MAGI2: variants seen among roughly 807,000 people sequenced by gnomAD.
MAGI2 encodes membrane associated guanylate kinase, WW and PDZ domain containing 2.
MAGI2 carries 35 observed loss-of-function variants against 133.3 expected under a neutral mutation model. The ratio of observed to expected loss-of-function variants is 0.26; its 90% CI spans 0.20 to 0.35. MAGI2 has a LOEUF of 0.35. Among genes scored for constraint, MAGI2 ranks in the 10% least tolerant of loss-of-function variants. MAGI2 has a pLI of 1.00. For missense variants in MAGI2, 1,636 were observed against 1,863.4 expected (o/e 0.88, Z 2.25); for synonymous variants, 729 against 710.6 (o/e 1.03, Z -0.41).
intron 1 of MAGI2, among the ~76,000 whole-genome samples, chr7:79,444,977 A>G (rs1385407883): frequency 6.6e-6 from 1 of 152,184 alleles, no homozygotes; most frequent in Non-Finnish European, 1.5e-5. Flanking sequence ...ATATAGACCA[A>G]TGGAACAGAA....
At chr7:78,746,664 G>A (rs1275926681) in intron 2 of MAGI2, among the ~76,000 whole-genome samples, 2 of 152,130 alleles carry the variant, frequency 1.3e-5, no homozygotes, top group Admixed American at 1.3e-4. Context: ...ATTTGCATTT[G>A]GACTTTCTTC....
chr7:79,222,863 T>C (rs892130657), intron 1 of MAGI2, among the ~76,000 whole-genome samples: 1 of 152,038 alleles, frequency 6.6e-6, no homozygotes, highest in Non-Finnish European at 1.5e-5. Flanking sequence ...ATCTCATTTC[T>C]TTTCTTTTTG....
rs530262603 is a variant in MAGI2 at position 78,323,808 on chromosome 7, C to T, written c.1408+19970G>A. 3.0e-3 allele frequency among the ~76,000 whole-genome samples: 464 copies of T among 152,198 alleles called. 4 individuals are homozygous for T. Among genetic ancestry groups the T allele is most frequent in the Non-Finnish European group, 3.4e-3 (229 of 68,016 alleles). ...GCTTTGAAACACCTTTAACTTAGTA[C>T]TTCTTAACAACAAATGATACTCACT... is the stretch of plus-strand genomic sequence containing the variant. On this transcript the variant is annotated intron_variant, in intron 9 of 21. Coordinates refer to ENST00000354212, the MANE Select transcript of MAGI2 (RefSeq NM_012301.4).
At chr7:79,093,714 C>CTTTTT (rs369075503) in intron 1 of MAGI2, among the ~76,000 whole-genome samples, 4 of 113,274 alleles carry the variant, frequency 3.5e-5, no homozygotes, top group African/African-American at 1.0e-4. Flanking sequence ...CTTTTCTTTT[C>CTTTTT]TTTTTTTTTT....
intron 1 of MAGI2, among the ~76,000 whole-genome samples, chr7:79,325,947 G>T (rs1312898363): frequency 6.6e-6 from 1 of 152,032 alleles, no homozygotes; most frequent in African/African-American, 2.4e-5. Context: ...TGGGAATAGG[G>T]GGGTTCTGCA....
rs569426889 is a variant in MAGI2, at chr7:78,127,496, G to A, written c.3204-80C>T. The A allele has an allele frequency of 7.3e-4, 798 of 1,086,664 alleles. 6 individuals are homozygous for A. The highest frequency in any genetic ancestry group is 4.3e-3 in the Middle Eastern group (22 of 5,086). 67.3% of individuals were successfully genotyped at this position (1,086,664 alleles called of 1,614,324 possible). On this transcript the variant is annotated intron_variant, in intron 18 of 21. Transcript: ENST00000354212. ...GAGTGATCACACGGCCTCCAGAGGT[G>A]GGCCAGCCATGACAGCTCACACAAA... is the stretch of plus-strand genomic sequence containing the variant.
intron 1 of MAGI2, among the ~76,000 whole-genome samples, chr7:79,174,807 G>C (rs1413453386): frequency 6.6e-6 from 1 of 151,356 alleles, no homozygotes; most frequent in African/African-American, 2.4e-5. Context: ...TAATTAATTA[G>C]ACAACAAAAA....
chr7:79,402,986 G>T (rs1439151405), intron 1 of MAGI2, among the ~76,000 whole-genome samples: 1 of 152,096 alleles, frequency 6.6e-6, no homozygotes, highest in Admixed American at 6.5e-5. Context: ...ATAACATGGA[G>T]ATAAAAATGC....
At chr7:78,971,960 T>G (rs1275079475) in intron 2 of MAGI2, among the ~76,000 whole-genome samples, 1 of 151,958 alleles carries the variant, frequency 6.6e-6, no homozygotes. Flanking sequence ...ATATAAATAT[T>G]AAGTACTACT....
At chr7:79,011,912 CCTTCCTTCCTTCCTTT>C (rs1562785218) in intron 1 of MAGI2, among the ~76,000 whole-genome samples, 39 of 133,566 alleles carry the variant, frequency 2.9e-4, no homozygotes, top group African/African-American at 6.2e-4. Flanking sequence ...TTCCTTCCTT[CCTTCCTTCCTTCCTTT>C]CTTTCTTTCT....
At chr7:78,056,456 G>T (rs917689087) in intron 21 of MAGI2, among the ~76,000 whole-genome samples, 6 of 152,072 alleles carry the variant, frequency 3.9e-5, no homozygotes, top group African/African-American at 1.4e-4. Context: ...AAGAAAATGT[G>T]GTACATATGT....
chr7:78,240,720 G>A (rs1791047637), intron 10 of MAGI2, among the ~76,000 whole-genome samples: 1 of 152,128 alleles, frequency 6.6e-6, no homozygotes. Flanking sequence ...GATCTATTGT[G>A]CAGCATGGTG....
chr7:78,558,837 GTTTTT>G (rs10691115), intron 3 of MAGI2, among the ~76,000 whole-genome samples: 1 of 130,052 alleles, frequency 7.7e-6, no homozygotes, highest in Admixed American at 7.8e-5. Context: ...TTGAGACACC[GTTTTT>G]TTTTTTTTTT....
Position 79,372,990 on chromosome 7 carries a change from T to G in MAGI2, c.301+80030A>C, listed in dbSNP as rs767281908. 1.0e-3 allele frequency among the ~76,000 whole-genome samples: 154 copies of G among 152,208 alleles called. 1 individual carries two copies. Among genetic ancestry groups the G allele is most frequent in the Non-Finnish European group, 1.9e-3 (129 of 67,982 alleles). ...AGAGTTTGAAGAGATTGAAGAGCTA[T>G]CTACAGTTGCTATAAGTGGATAATA... On this transcript the variant is annotated intron_variant, in intron 1 of 21. Transcript: ENST00000354212.
chr7:78,268,448 C>G (rs1266723439), intron 9 of MAGI2, among the ~76,000 whole-genome samples: 2 of 152,080 alleles, frequency 1.3e-5, no homozygotes, highest in African/African-American at 4.8e-5. Context: ...AGAAGTCAGT[C>G]AAGCATTCCA....
intron 6 of MAGI2, among the ~76,000 whole-genome samples, chr7:78,425,388 A>C (rs181020752): frequency 6.6e-4 from 100 of 152,290 alleles, no homozygotes; most frequent in African/African-American, 2.4e-3. Flanking sequence ...GTGTGTCTTT[A>C]TCAGCAGCAT....
intron 2 of MAGI2, among the ~76,000 whole-genome samples, chr7:78,740,514 T>C (rs765571533): frequency 3.3e-5 from 5 of 152,190 alleles, no homozygotes; most frequent in Non-Finnish European, 7.4e-5. Flanking sequence ...ATGGTACTTG[T>C]ACTGTCTGAT....
At chr7:79,440,125 A>G (rs6951151) in intron 1 of MAGI2, among the ~76,000 whole-genome samples, 20,362 of 150,814 alleles carry the variant, frequency 0.14, 1,713 homozygotes, top group African/African-American at 0.24. Context: ...CCTTCCTGGG[A>G]TCCCCTGGCT....
At chr7:78,137,248 T>G (rs1822246846) in intron 16 of MAGI2, among the ~76,000 whole-genome samples, 1 of 152,214 alleles carries the variant, frequency 6.6e-6, no homozygotes, top group Admixed American at 6.5e-5. Flanking sequence ...GGCCATAATG[T>G]GTATATTGTT....
Sources: allele counts gnomAD v4.1 joint callset (sites outside exome capture counted in the v4.1 genomes callset), GRCh38; gene constraint gnomAD v4.1.1; transcripts MANE v1.5; gene names NCBI Gene and HGNC (gene_info 2026-07-23, HGNC 2026-07-21).